Variants in SPECC1 observed in about 807,000 individuals in gnomAD.
SPECC1 encodes sperm antigen with calponin homology and coiled-coil domains 1.
SPECC1 carries 62 observed loss-of-function variants against 104.1 expected under a neutral mutation model. The observed-to-expected ratio is 0.60, with a 90% confidence interval of 0.49 to 0.74. The LOEUF (loss-of-function observed/expected upper bound fraction) is 0.74, where lower values mean the gene tolerates loss of function less well. Among genes scored for constraint, SPECC1 ranks in the 30% least tolerant of loss-of-function variants. The pLI is 0.00. For missense variants in SPECC1, 1,306 were observed against 1,310.5 expected (o/e 1.00, Z 0.05); for synonymous variants, 513 against 501.6 (o/e 1.02, Z -0.30).
intron 1 of SPECC1, among the ~76,000 whole-genome samples, chr17:20,049,741 C>T (rs2045669480): frequency 6.6e-6 from 1 of 152,036 alleles, no homozygotes; most frequent in Admixed American, 6.6e-5. Flanking sequence ...CATTCCCCAT[C>T]CTAAGAGTCC....
At chr17:20,293,087 C>T (rs975045337) in intron 12 of SPECC1, among the ~76,000 whole-genome samples, 1 of 152,158 alleles carries the variant, frequency 6.6e-6, no homozygotes, top group Non-Finnish European at 1.5e-5. Flanking sequence ...ACATGTGACA[C>T]CATCTCTTTT....
intron 3 of SPECC1, among the ~76,000 whole-genome samples, chr17:20,124,000 G>A (rs997734036): frequency 1.3e-5 from 2 of 152,176 alleles, no homozygotes; most frequent in Non-Finnish European, 2.9e-5. Context: ...GAAAACCATG[G>A]ATGGGTTGGC....
At chr17:20,156,025 G>A in intron 3 of SPECC1, 5 of 1,286,950 alleles carry the variant, frequency 3.9e-6, no homozygotes, top group East Asian at 3.2e-5. Flanking sequence ...GGGCGCGGGA[G>A]AGCAGCGGCT....
chr17:20,025,149 A>C (rs901103601), intron 1 of SPECC1, among the ~76,000 whole-genome samples: 5 of 152,262 alleles, frequency 3.3e-5, no homozygotes, highest in African/African-American at 9.6e-5. Context: ...ATGGGCACAC[A>C]CAGAGAAAAG....
In SPECC1 at chr17:20,110,483, G is replaced by A. The variant is rs752821428; in HGVS notation, c.204G>A (p.Ser68=). 13 of 1,613,866 alleles carry A rather than the reference G, an allele frequency of 8.1e-6. No homozygotes were observed. The highest frequency in any genetic ancestry group is 3.3e-5 in the Admixed American group (2 of 59,980). ...TLNKPGSTAA[S]GVVRLKKTAT... ...ACAAGCCAGGAAGTACCGCTGCATC[G>A]GGGGTGGTTCGCCTGAAGAAGACCG... Residue 68 remains serine, a synonymous_variant, in exon 3 of 15, where the codon TCG becomes TCA. Coordinates refer to ENST00000395527, the MANE Select transcript of SPECC1 (RefSeq NM_001243439.2).
intron 1 of SPECC1, among the ~76,000 whole-genome samples, chr17:20,021,047 T>C (rs2044355303): frequency 1.3e-5 from 2 of 152,218 alleles, no homozygotes; most frequent in Admixed American, 6.5e-5. Flanking sequence ...CTTAGAATAA[T>C]GTAAGCTAGA....
chr17:20,103,268 G>T (rs1340641610), intron 2 of SPECC1, among the ~76,000 whole-genome samples: 1 of 152,164 alleles, frequency 6.6e-6, no homozygotes, highest in Admixed American at 6.5e-5. Flanking sequence ...CTGAATCATG[G>T]CCTCTTCTGT....
intron 3 of SPECC1, among the ~76,000 whole-genome samples, chr17:20,159,989 C>T (rs2032987565): frequency 6.6e-6 from 1 of 152,100 alleles, no homozygotes; most frequent in Non-Finnish European, 1.5e-5. Flanking sequence ...CACAAAGGTG[C>T]CCAAAGTGTT....
At chr17:20,137,388 AT>A (rs1043115478) in intron 3 of SPECC1, among the ~76,000 whole-genome samples, 1 of 152,204 alleles carries the variant, frequency 6.6e-6, no homozygotes, top group Admixed American at 6.5e-5. Flanking sequence ...GATGGAGTTA[AT>A]CGTGCCCATT....
At chr17:20,246,154 C>T in intron 8 of SPECC1, 83 bp downstream of exon 8, 1 of 1,520,700 alleles carries the variant, frequency 6.6e-7, no homozygotes, top group Admixed American at 1.7e-5. Context: ...CTCTACTCCA[C>T]CCTGGCCCTG....
At chr17:20,024,381 C>T (rs1212571794) in intron 1 of SPECC1, among the ~76,000 whole-genome samples, 1 of 152,184 alleles carries the variant, frequency 6.6e-6, no homozygotes, top group Non-Finnish European at 1.5e-5. Context: ...CTCTTCTCTT[C>T]TAGTCCAGTA....
intron 1 of SPECC1, among the ~76,000 whole-genome samples, chr17:20,060,152 C>G (rs2046130324): frequency 6.6e-6 from 1 of 151,710 alleles, no homozygotes; most frequent in Non-Finnish European, 1.5e-5. Flanking sequence ...TTTTTGGCCT[C>G]TGAAGAGTGC....
At chr17:20,267,816 G>T (rs2040268319) in intron 12 of SPECC1, among the ~76,000 whole-genome samples, 1 of 152,150 alleles carries the variant, frequency 6.6e-6, no homozygotes. Context: ...CGGGTCCTTT[G>T]TCTCCTCCTC....
chr17:20,104,740 C>CA (rs745893309), intron 2 of SPECC1, among the ~76,000 whole-genome samples: 3,866 of 56,902 alleles, frequency 0.068, 307 homozygotes, highest in Non-Finnish European at 0.072. Context: ...GAGACTGTCT[C>CA]AAAAAAAAAA....
intron 1 of SPECC1, among the ~76,000 whole-genome samples, chr17:20,051,677 A>G (rs1192635879): frequency 6.6e-6 from 1 of 152,162 alleles, no homozygotes; most frequent in East Asian, 1.9e-4. Flanking sequence ...TATTCAGCAG[A>G]CAAGGATCTT....
intron 12 of SPECC1, among the ~76,000 whole-genome samples, chr17:20,295,419 T>C (rs1408112876): frequency 6.6e-6 from 1 of 152,182 alleles, no homozygotes; most frequent in African/African-American, 2.4e-5. Flanking sequence ...CAGTCTATCA[T>C]TGATGGACAT....
chr17:20,097,184 C>A (rs916992315), intron 2 of SPECC1, among the ~76,000 whole-genome samples: 1 of 152,166 alleles, frequency 6.6e-6, no homozygotes, highest in Non-Finnish European at 1.5e-5. Flanking sequence ...GCAGCATGGA[C>A]GCTGTTGATT....
At chr17:20,229,787 G>A (rs1420431672) in intron 5 of SPECC1, among the ~76,000 whole-genome samples, 1 of 152,230 alleles carries the variant, frequency 6.6e-6, no homozygotes. Context: ...AAAGCGATGT[G>A]CTAAAGCAGC....
chr17:20,222,115 C>T (rs1403675285), intron 4 of SPECC1, among the ~76,000 whole-genome samples: 1 of 151,688 alleles, frequency 6.6e-6, no homozygotes, highest in Non-Finnish European at 1.5e-5. Context: ...GGGCACATCA[C>T]CTGAGGTCAG....
Sources: allele counts gnomAD v4.1 joint callset (sites outside exome capture counted in the v4.1 genomes callset), GRCh38; gene constraint gnomAD v4.1.1; transcripts MANE v1.5; gene names NCBI Gene and HGNC (gene_info 2026-07-23, HGNC 2026-07-21).